Variants in MAP3K19 observed in about 807,000 individuals in gnomAD.
MAP3K19 encodes the protein mitogen-activated protein kinase kinase kinase 19, also known as SPS1/STE20-related protein kinase YSK4.
In MAP3K19, 91 loss-of-function variants were observed where a neutral mutation model predicts 114.4. The observed-to-expected ratio is 0.80, with a 90% CI of 0.67 to 0.95. MAP3K19 has a LOEUF of 0.95. MAP3K19 is among the 40% of genes least tolerant of loss of function. The pLI is 0.00. For missense variants in MAP3K19, 1,471 were observed against 1,573.2 expected (o/e 0.94, Z 1.10); for synonymous variants, 518 against 530.5 (o/e 0.98, Z 0.32).
intron 5 of MAP3K19, among the ~76,000 whole-genome samples, chr2:135,020,878 C>T (rs141034903): frequency 2.6e-4 from 40 of 152,322 alleles, no homozygotes; most frequent in African/African-American, 9.6e-4. Context: ...CCATGTGGAA[C>T]TCTGAGTCAA....
In MAP3K19 at chr2:135,021,497, C is replaced by T. The variant is rs532188529; in HGVS notation, c.138+218G>A. 2.0e-4 allele frequency among the ~76,000 whole-genome samples: 30 copies of T among 151,762 alleles called. No individual in the cohort carries two copies. The South Asian group carries it at 5.4e-3, about 27-fold the overall frequency. On this transcript the variant is annotated intron_variant, in intron 5 of 12. Coordinates refer to ENST00000392915, the MANE Select transcript of MAP3K19 (RefSeq NM_025052.5). ...ATACACACACACACACACACACACA[C>T]GTGTACACACACATCTTATGCATGA...
chr2:135,046,071 C>T (rs1688734632), intron 1 of MAP3K19, among the ~76,000 whole-genome samples: 1 of 152,136 alleles, frequency 6.6e-6, no homozygotes, highest in Non-Finnish European at 1.5e-5. Flanking sequence ...GCTACAGGTG[C>T]ACAGCACTAT....
At position 134,998,949 on chromosome 2, in the gene MAP3K19, A is replaced by G. The variant is rs1686230601; in HGVS notation, c.363T>C (p.Ser121=). ...LQEWAQAHAV[S]HPNEIETVEL... ...CCACCGTTTCTATTTCATTTGGATGAGAAACTGCATGTGCTTGTGCCCATT... is the reference window on the plus strand; with the variant it reads ...CCACCGTTTCTATTTCATTTGGATGGGAAACTGCATGTGCTTGTGCCCATT... The change falls in exon 8 of 13, where the codon TCT becomes TCC. Residue 121 remains serine (S), a synonymous_variant. Coordinates refer to ENST00000392915, the MANE Select transcript of MAP3K19 (RefSeq NM_025052.5). 1 of 1,614,192 alleles carries G rather than the reference A, an allele frequency of 6.2e-7. No homozygotes were observed. Among genetic ancestry groups the G allele is most frequent in the African/African-American group, 1.3e-5 (1 of 75,050 alleles).
chr2:134,984,470 C>G (rs1441957644), intron 10 of MAP3K19, among the ~76,000 whole-genome samples: 1 of 152,046 alleles, frequency 6.6e-6, no homozygotes, highest in Non-Finnish European at 1.5e-5. Context: ...AAATAGAACT[C>G]TGACCTACAA....
At chr2:135,028,249 A>G (rs1044598231) in intron 3 of MAP3K19, among the ~76,000 whole-genome samples, 1 of 152,168 alleles carries the variant, frequency 6.6e-6, no homozygotes, top group African/African-American at 2.4e-5. Context: ...GAATGAATAA[A>G]TAATTTATAA....
intron 12 of MAP3K19, among the ~76,000 whole-genome samples, chr2:134,969,365 T>G (rs192214000): frequency 2.0e-5 from 3 of 151,034 alleles, no homozygotes; most frequent in African/African-American, 7.3e-5. Flanking sequence ...AGGGAGACCG[T>G]GGGGAGAGGG....
At chr2:135,007,077 T>A (rs1559174432) in intron 5 of MAP3K19, among the ~76,000 whole-genome samples, 2 of 150,716 alleles carry the variant, frequency 1.3e-5, no homozygotes, top group East Asian at 4.0e-4. Flanking sequence ...GGTGCGAGGA[T>A]CATTTGAGCC....
In MAP3K19 at chr2:134,987,494, T is replaced by TA; in HGVS notation, c.1377dup (p.Ser460Ter). 2 of 1,614,210 alleles carry TA rather than the reference T, an allele frequency of 1.2e-6. No homozygotes were observed. The highest frequency in any genetic ancestry group is 1.7e-6 in the Non-Finnish European group (2 of 1,180,038). On this transcript the variant is annotated frameshift_variant, in exon 10 of 13. Coordinates refer to ENST00000392915, the MANE Select transcript of MAP3K19 (RefSeq NM_025052.5). LOFTEE classifies it high-confidence loss of function. ...ATTTTTATGTTTGTCTCCATGCTGC[T>TA]ACAACCTTCTGGGAGTTTATCAATG...
intron 5 of MAP3K19, among the ~76,000 whole-genome samples, chr2:135,021,037 T>G (rs976460580): frequency 2.0e-5 from 3 of 152,180 alleles, no homozygotes; most frequent in African/African-American, 7.2e-5. Context: ...ATTTGATTAT[T>G]TAGTATGGAT....
intron 12 of MAP3K19, among the ~76,000 whole-genome samples, chr2:134,971,176 A>G (rs1573908620): frequency 6.6e-6 from 1 of 152,116 alleles, no homozygotes; most frequent in East Asian, 1.9e-4. Context: ...TGAGATGGTC[A>G]TATTGTTTTT....
intron 12 of MAP3K19, among the ~76,000 whole-genome samples, chr2:134,973,848 G>T (rs1684039733): frequency 6.6e-6 from 1 of 152,132 alleles, no homozygotes; most frequent in South Asian, 2.1e-4. Flanking sequence ...ACTTTCTTAA[G>T]CATTTCTTGT....
At chr2:135,013,190 C>T (rs539062066) in intron 5 of MAP3K19, among the ~76,000 whole-genome samples, 15 of 151,930 alleles carry the variant, frequency 9.9e-5, no homozygotes, top group Middle Eastern at 3.4e-3. Flanking sequence ...CATGGTGGTG[C>T]ATGCCTGTAA....
intron 1 of MAP3K19, among the ~76,000 whole-genome samples, chr2:135,044,218 C>G (rs1200397165): frequency 6.6e-6 from 1 of 152,096 alleles, no homozygotes; most frequent in Non-Finnish European, 1.5e-5. Context: ...TATCCCTATT[C>G]TATAGATGAG....
chr2:134,968,256 C>T (rs1472320032), intron 12 of MAP3K19, among the ~76,000 whole-genome samples: 1 of 152,170 alleles, frequency 6.6e-6, no homozygotes, highest in Admixed American at 6.5e-5. Flanking sequence ...CCCATGTATA[C>T]TTCTTTCTAC....
intron 5 of MAP3K19, among the ~76,000 whole-genome samples, chr2:135,011,981 T>C (rs1291878545): frequency 1.3e-5 from 2 of 152,220 alleles, no homozygotes; most frequent in African/African-American, 4.8e-5. Context: ...ATTGCTTAAA[T>C]AGACCATAAA....
intron 3 of MAP3K19, among the ~76,000 whole-genome samples, chr2:135,027,258 GAAGA>G (rs1276521156): frequency 2.7e-5 from 4 of 147,572 alleles, no homozygotes; most frequent in Non-Finnish European, 6.0e-5. Flanking sequence ...AAGAGGAAAG[GAAGA>G]AAGAAAGAGA....
intron 12 of MAP3K19, among the ~76,000 whole-genome samples, chr2:134,973,912 T>G (rs1415664515): frequency 6.6e-6 from 1 of 152,254 alleles, no homozygotes; most frequent in Non-Finnish European, 1.5e-5. Flanking sequence ...GTGAAAGACT[T>G]TCTCCATTTT....
At chr2:135,031,968 T>G (rs1427986873) in intron 2 of MAP3K19, among the ~76,000 whole-genome samples, 1 of 152,178 alleles carries the variant, frequency 6.6e-6, no homozygotes, top group Non-Finnish European at 1.5e-5. Flanking sequence ...TTTCAAGTGC[T>G]TCTGCATGAA....
At chr2:135,040,616 G>A (rs1688627045) in intron 1 of MAP3K19, 114 bp from the exon 2 acceptor site, 1 of 152,546 alleles carries the variant, frequency 6.6e-6, no homozygotes, top group African/African-American at 2.4e-5. Flanking sequence ...TGGTTCAAAT[G>A]TAACATATTC....
Sources: gnomAD v4.1 joint callset for allele counts (sites outside exome capture counted in the v4.1 genomes callset) on GRCh38, gnomAD v4.1.1 for gene constraint, MANE v1.5 for transcripts, NCBI Gene and HGNC (gene_info 2026-07-23, HGNC 2026-07-21) for gene names.